PCSK5: variants seen among roughly 807,000 people sequenced by gnomAD.
PCSK5 encodes prohormone convertase 5.
Under a neutral mutation model 233.2 loss-of-function variants are expected in PCSK5, and 129 were observed. That is an observed-to-expected ratio of 0.55 (90% CI 0.48 to 0.64). The LOEUF is 0.64. Among genes scored for constraint, PCSK5 ranks in the 30% least tolerant of loss-of-function variants. The pLI, the probability that PCSK5 is intolerant of heterozygous loss-of-function variation, is 0.00. For missense variants in PCSK5, 2,076 were observed against 2,430.1 expected, an observed-to-expected ratio of 0.85 and a Z score of 3.06; for synonymous variants, 825 against 879.2, an observed-to-expected ratio of 0.94 and a Z score of 1.09.
chr9:76,316,784 A>G (rs1248938504), intron 30 of PCSK5, among the ~76,000 whole-genome samples: 1 of 149,978 alleles, frequency 6.7e-6, no homozygotes, highest in Admixed American at 6.7e-5. Flanking sequence ...TGATCTATTT[A>G]AGAATGCACT....
At position 76,096,214 on chromosome 9, in the gene PCSK5, C is replaced by CACACAG. The variant is rs568805931; in HGVS notation, c.1107+113_1107+114insCACAGA. The CACACAG allele has an allele frequency of 5.8e-4, 396 of 677,820 alleles. No homozygotes were observed. The African/African-American group carries it at 6.5e-3, about 11-fold the overall frequency. The allele number at this position is 677,820 out of a possible 1,614,324, so 42.0% of individuals were successfully genotyped here. On this transcript the variant is annotated intron_variant, in intron 8 of 37. Coordinates refer to ENST00000674117, the MANE Select transcript of PCSK5 (RefSeq NM_001372043.1). ...ATACACACACACACACACACACACA[C>CACACAG]AGAAGTAATATATGGAAATAGGAAA...
chr9:76,328,275 A>G, intron 33 of PCSK5, 36 bp downstream of exon 33: 3 of 1,469,576 alleles, frequency 2.0e-6, no homozygotes, highest in Non-Finnish European at 2.9e-6. Flanking sequence ...TTGTGTTTCC[A>G]TCTCTCTGGG....
chr9:76,001,011 G>T (rs912501313), intron 3 of PCSK5, among the ~76,000 whole-genome samples: 17 of 151,890 alleles, frequency 1.1e-4, no homozygotes, highest in Non-Finnish European at 2.5e-4. Flanking sequence ...TCAGTGAGCA[G>T]AGTTGAGCAA....
chr9:76,015,704 G>C (rs1043673346), intron 3 of PCSK5, among the ~76,000 whole-genome samples: 3 of 152,120 alleles, frequency 2.0e-5, no homozygotes, highest in Non-Finnish European at 4.4e-5. Context: ...TGTTCTTATT[G>C]CCTTTCTTCC....
Position 76,206,677 on chromosome 9 carries a change from C to CTGGAAGAATGTGA in PCSK5, c.2626+16931_2626+16932insTGGAAGAATGTGA, listed in dbSNP as rs1437760055. On this transcript the variant is annotated intron_variant, in intron 20 of 37. Transcript: ENST00000674117. ...TGATGCTTCTGGAAGAATGGTGTTT[C>CTGGAAGAATGTGA]ACATAGCTTTTTGCCCTGAGACTAA... Among the ~76,000 whole-genome samples the CTGGAAGAATGTGA allele has an allele frequency of 3.9e-5, 6 of 152,358 alleles. No homozygotes were observed. In the East Asian group the frequency reaches 1.2e-3, roughly 29 times the overall value.
chr9:76,083,196 C>T (rs1057357094), intron 7 of PCSK5, among the ~76,000 whole-genome samples: 5 of 100,882 alleles, frequency 5.0e-5, no homozygotes, highest in South Asian at 3.5e-4. Flanking sequence ...GCAACAGAAG[C>T]GAGATCTCAA....
intron 24 of PCSK5, among the ~76,000 whole-genome samples, chr9:76,256,476 C>T (rs565895778): frequency 4.6e-5 from 7 of 152,248 alleles, no homozygotes; most frequent in South Asian, 4.2e-4. Context: ...CTGCCAGTCT[C>T]GAAAGCAATG....
chr9:76,016,207 A>C (rs1856508), intron 3 of PCSK5, among the ~76,000 whole-genome samples: 139,123 of 152,312 alleles, frequency 0.91, 63,541 homozygotes, highest in East Asian at 0.99. Context: ...AGGATATGTT[A>C]CATCTTGGTA....
chr9:76,185,777 G>C (rs1824074171), intron 17 of PCSK5, among the ~76,000 whole-genome samples: 2 of 151,980 alleles, frequency 1.3e-5, no homozygotes, highest in Non-Finnish European at 2.9e-5. Context: ...GTGTGATTTG[G>C]GGCAAGTCAC....
chr9:76,280,470 G>A (rs903152249), intron 24 of PCSK5, among the ~76,000 whole-genome samples: 17 of 152,124 alleles, frequency 1.1e-4, no homozygotes, highest in African/African-American at 2.2e-4. Context: ...GGCCGGACAC[G>A]GTGGCTCACA....
intron 32 of PCSK5, among the ~76,000 whole-genome samples, chr9:76,327,601 C>T (rs886130592): frequency 6.6e-6 from 1 of 152,004 alleles, no homozygotes; most frequent in Non-Finnish European, 1.5e-5. Context: ...TTGCTGTATT[C>T]GTGATAAGCT....
chr9:76,098,599 A>C (rs571935676), intron 8 of PCSK5, among the ~76,000 whole-genome samples: 1 of 152,328 alleles, frequency 6.6e-6, no homozygotes, highest in African/African-American at 2.4e-5. Flanking sequence ...AATCATCTTA[A>C]GTCAAACTCA....
At position 76,360,507 on chromosome 9, in the gene PCSK5, T is replaced by C. The variant is rs1164503109; in HGVS notation, c.*1585T>C. On this transcript the variant is annotated 3_prime_UTR_variant, in exon 38 of 38. Transcript: ENST00000674117. ...ATTAAAGTCATGCCTATTGTTTTAG[T>C]CTATAATATCAATGTTATCTTTACT... 6.6e-6 allele frequency: 1 copy of C among 152,250 alleles called. No homozygotes were observed. Among genetic ancestry groups the C allele is most frequent in the Non-Finnish European group, 1.5e-5 (1 of 68,048 alleles). The allele number at this position is 152,250 out of a possible 1,614,324, so 9.4% of individuals were successfully genotyped here. A position where few individuals can be genotyped will look rare whatever the true frequency, so the allele number is the denominator to read the frequency against.
chr9:76,298,091 G>A (rs1828498768), intron 27 of PCSK5, among the ~76,000 whole-genome samples: 1 of 152,192 alleles, frequency 6.6e-6, no homozygotes, highest in Non-Finnish European at 1.5e-5. Context: ...AAGCCAAAAG[G>A]AAAATGGTCT....
At chr9:75,956,887 T>A (rs1825117790) in intron 2 of PCSK5, among the ~76,000 whole-genome samples, 1 of 152,132 alleles carries the variant, frequency 6.6e-6, no homozygotes, top group Non-Finnish European at 1.5e-5. Context: ...CTCAAAGACA[T>A]AAGTCACAAA....
intron 5 of PCSK5, among the ~76,000 whole-genome samples, chr9:76,055,705 A>G (rs1829796492): frequency 6.6e-6 from 1 of 152,176 alleles, no homozygotes; most frequent in African/African-American, 2.4e-5. Flanking sequence ...GCAATTATTC[A>G]AAGCCTTAAG....
At chr9:76,272,773 CAAAAAAAAAAAA>C (rs71372058) in intron 24 of PCSK5, among the ~76,000 whole-genome samples, 11 of 49,952 alleles carry the variant, frequency 2.2e-4, no homozygotes, top group East Asian at 1.6e-3. Flanking sequence ...GACTCCATCT[CAAAAAAAAAAAA>C]AAAAAAAAAA....
chr9:76,106,254 C>A (rs1412719441), intron 8 of PCSK5, among the ~76,000 whole-genome samples: 1 of 152,224 alleles, frequency 6.6e-6, no homozygotes, highest in Non-Finnish European at 1.5e-5. Context: ...ACTCCTCTCA[C>A]AGACTTCTAT....
At chr9:76,351,790 T>C (rs867971002) in intron 36 of PCSK5, among the ~76,000 whole-genome samples, 41 of 151,078 alleles carry the variant, frequency 2.7e-4, no homozygotes, top group African/African-American at 1.0e-3. Flanking sequence ...CAGGCTGGAG[T>C]GCAGTGGCGC....
Sources: gnomAD v4.1 joint callset for allele counts (sites outside exome capture counted in the v4.1 genomes callset) on GRCh38, gnomAD v4.1.1 for gene constraint, MANE v1.5 for transcripts, NCBI Gene and HGNC (gene_info 2026-07-23, HGNC 2026-07-21) for gene names.